The following TECR variants were observed in gnomAD, a reference collection of about 807,000 sequenced individuals.
TECR encodes the protein trans-2,3-enoyl-CoA reductase.
A neutral mutation model predicts 50.6 loss-of-function variants in TECR; 19 were observed. That is an observed-to-expected ratio of 0.38 (90% confidence interval 0.26 to 0.55). The LOEUF (loss-of-function observed/expected upper bound fraction) is 0.55, where lower values mean the gene tolerates loss of function less well. TECR is among the 20% of genes least tolerant of loss of function. TECR has a pLI of 0.79. For synonymous variants in TECR, 168 were observed against 163.5 expected, an observed-to-expected ratio of 1.03 and a Z score of -0.21; for missense variants, 313 against 408.3, an observed-to-expected ratio of 0.77 and a Z score of 2.01.
upstream of TECR, chr19:14,529,367 G>T (rs899714764): frequency 2.7e-5 from 14 of 515,424 alleles, no homozygotes; most frequent in Admixed American, 2.6e-4. Flanking sequence ...GCGGGGCAGA[G>T]ACCTCCTTTG....
intron 1 of TECR, chr19:14,533,864 C>T (rs1471041760): frequency 6.6e-6 from 1 of 152,162 alleles, no homozygotes; most frequent in Non-Finnish European, 1.5e-5. Context: ...GGTAAGCGAA[C>T]TGCTTATCCT....
In TECR at chr19:14,529,850, G is replaced by C. The variant is rs1462181977; in HGVS notation, c.15+139G>C. ...GGCGCAGGCGCAGTGGGCAAGCGTTGCGCCCCGGGCCACTCGTAAATTCCA... is the reference window on the plus strand; with the variant it reads ...GGCGCAGGCGCAGTGGGCAAGCGTTCCGCCCCGGGCCACTCGTAAATTCCA... On this transcript the variant is annotated intron_variant, in intron 1 of 12. Coordinates refer to ENST00000215567, the MANE Select transcript of TECR (RefSeq NM_138501.6). The C allele has an allele frequency of 6.8e-6, 8 of 1,174,844 alleles. No homozygotes were observed. In the Admixed American group the frequency reaches 1.2e-4, roughly 18 times the overall value. 72.8% of individuals were successfully genotyped at this position (1,174,844 alleles called of 1,614,324 possible). A position where few individuals can be genotyped will look rare whatever the true frequency, so the allele number is the denominator to read the frequency against.
intron 1 of TECR, among the ~76,000 whole-genome samples, chr19:14,548,321 C>G (rs57294575): frequency 6.6e-6 from 1 of 152,106 alleles, no homozygotes; most frequent in African/African-American, 2.4e-5. Flanking sequence ...CCTCTTGAAC[C>G]TGCATTTCCC....
At chr19:14,530,344 C>T (rs969948034) in intron 1 of TECR, 17 of 154,178 alleles carry the variant, frequency 1.1e-4, no homozygotes, top group African/African-American at 4.1e-4. Flanking sequence ...TCTTCTGACT[C>T]CTAACTTGGG....
At chr19:14,537,395 A>G (rs2072940974) in intron 1 of TECR, among the ~76,000 whole-genome samples, 1 of 151,986 alleles carries the variant, frequency 6.6e-6, no homozygotes, top group Non-Finnish European at 1.5e-5. Flanking sequence ...AGGTGGATTT[A>G]GAGGCTCCAC....
At chr19:14,554,953 A>G (rs1010071868) in intron 1 of TECR, among the ~76,000 whole-genome samples, 9 of 148,338 alleles carry the variant, frequency 6.1e-5, no homozygotes, top group African/African-American at 1.5e-4. Flanking sequence ...TAATTTTTGT[A>G]TTTTTAGTAG....
chr19:14,564,321 C>T lies in TECR; in HGVS notation c.489+34C>T, dbSNP rs1461786789. 6.5e-6 allele frequency: 10 copies of T among 1,531,458 alleles called. No individual in the cohort carries two copies. The African/African-American group carries it at 9.6e-5, about 15-fold the overall frequency. The allele number at this position is 1,531,458 out of a possible 1,614,324, so 94.9% of individuals were successfully genotyped here. Reference sequence around the variant, plus strand: ...CCGTCCCCGCCTCACCCCTAAGCCCCGCCTTTCTGCCCCACCCCGCCCCGC... The same window carrying T: ...CCGTCCCCGCCTCACCCCTAAGCCCTGCCTTTCTGCCCCACCCCGCCCCGC... On this transcript the variant is annotated intron_variant, in intron 7 of 12. Coordinates refer to ENST00000215567, the MANE Select transcript of TECR (RefSeq NM_138501.6).
intron 1 of TECR, chr19:14,530,627 G>A (rs755609967): frequency 1.3e-5 from 2 of 152,064 alleles, no homozygotes; most frequent in Non-Finnish European, 2.9e-5. Context: ...TTGTTCAAAG[G>A]CCCCTAGTTA....
chr19:14,533,360 C>T (rs2072745701), intron 1 of TECR, among the ~76,000 whole-genome samples: 1 of 151,722 alleles, frequency 6.6e-6, no homozygotes, highest in Admixed American at 6.6e-5. Context: ...GTGGAGGTTG[C>T]AGTGAGCTGA....
At chr19:14,543,599 C>T (rs1424808649) in intron 1 of TECR, among the ~76,000 whole-genome samples, 10 of 147,880 alleles carry the variant, frequency 6.8e-5, no homozygotes, top group East Asian at 4.0e-4. Flanking sequence ...CTACCACGCC[C>T]GGCTAATTTT....
rs750776413 is a variant in TECR, at chr19:14,565,738, C to T, written c.800-6C>T. 21 of 1,612,472 alleles carry T rather than the reference C, an allele frequency of 1.3e-5. No individual in the cohort carries two copies. Among genetic ancestry groups the T allele is most frequent in the Non-Finnish European group, 1.7e-5 (20 of 1,179,790 alleles). On this transcript the variant is annotated splice_region_variant and splice_polypyrimidine_tract_variant and intron_variant, in intron 12 of 12. Transcript: ENST00000215567. The stretch of plus-strand genomic sequence containing the variant: ...GCCCCTCCCTGACGCCCGTTCTTTC[C>T]TGCAGTGGCCCTGTTCTCCCTGGTG...
chr19:14,541,239 A>G (rs1033050573), intron 1 of TECR, among the ~76,000 whole-genome samples: 9 of 151,956 alleles, frequency 5.9e-5, no homozygotes, highest in African/African-American at 2.2e-4. Context: ...AGCCTCCCAA[A>G]GCTCTGGGAT....
intron 1 of TECR, among the ~76,000 whole-genome samples, chr19:14,536,418 C>G (rs895003826): frequency 2.6e-5 from 4 of 151,878 alleles, no homozygotes; most frequent in African/African-American, 9.7e-5. Context: ...TACAGGCGCC[C>G]ACCACCACGC....
intron 1 of TECR, among the ~76,000 whole-genome samples, chr19:14,551,118 C>G (rs1014738499): frequency 6.6e-6 from 1 of 151,896 alleles, no homozygotes; most frequent in East Asian, 1.9e-4. Context: ...GTCACCCAGG[C>G]TGGAGTGCAG....
chr19:14,564,104 G>A lies in TECR; in HGVS notation c.383+7G>A. 6.2e-7 allele frequency: 1 copy of A among 1,610,442 alleles called. No homozygotes were observed. Among genetic ancestry groups the A allele is most frequent in the South Asian group, 1.1e-5 (1 of 91,066 alleles). On this transcript the variant is annotated splice_region_variant and intron_variant, in intron 6 of 12. Coordinates refer to ENST00000215567, the MANE Select transcript of TECR (RefSeq NM_138501.6). ...GTCGGCATACAGTGGTGCAGTAAGTGGGGCAGGTGGGAGGAGGGTAGGGGA... is the reference window on the plus strand; with the variant it reads ...GTCGGCATACAGTGGTGCAGTAAGTAGGGCAGGTGGGAGGAGGGTAGGGGA...
chr19:14,549,574 G>A (rs1299116614), intron 1 of TECR, among the ~76,000 whole-genome samples: 1 of 151,940 alleles, frequency 6.6e-6, no homozygotes, highest in African/African-American at 2.4e-5. Flanking sequence ...TGATCCTCCT[G>A]CCCTGGCCTC....
intron 1 of TECR, among the ~76,000 whole-genome samples, chr19:14,558,270 C>T (rs552421436): frequency 2.6e-5 from 4 of 152,242 alleles, no homozygotes; most frequent in African/African-American, 9.6e-5. Flanking sequence ...GTGACAAGTG[C>T]TTAGACAACG....
intron 1 of TECR, among the ~76,000 whole-genome samples, chr19:14,559,963 G>T (rs915956465): frequency 8.0e-6 from 1 of 124,608 alleles, no homozygotes; most frequent in Non-Finnish European, 1.7e-5. Flanking sequence ...TCCTGCCCAG[G>T]TGGCCCTAGC....
intron 1 of TECR, among the ~76,000 whole-genome samples, chr19:14,550,391 TGGACTC>T (rs1359091700): frequency 6.6e-6 from 1 of 152,126 alleles, no homozygotes; most frequent in East Asian, 1.9e-4. Flanking sequence ...ACCTGTCTGC[TGGACTC>T]GGGCAGTCGG....
Sources: allele counts gnomAD v4.1 joint callset (sites outside exome capture counted in the v4.1 genomes callset), GRCh38; gene constraint gnomAD v4.1.1; transcripts MANE v1.5; gene names NCBI Gene and HGNC (gene_info 2026-07-23, HGNC 2026-07-21).